The following PPP1R42 variants were observed in gnomAD, a reference collection of about 807,000 sequenced individuals.
PPP1R42 encodes the protein protein phosphatase 1 regulatory subunit 42.
In PPP1R42, 34 loss-of-function variants were observed where a neutral mutation model predicts 31.0. The observed-to-expected ratio is 1.10, with a 90% CI of 0.83 to 1.46. The LOEUF (loss-of-function observed/expected upper bound fraction) is 1.46. PPP1R42 is among the 40% of genes most tolerant of loss of function. PPP1R42 has a pLI of 0.00. For synonymous variants in PPP1R42, 103 were observed against 109.8 expected (o/e 0.94, Z 0.39); for missense variants, 268 against 303.0 (o/e 0.88, Z 0.86).
intron 1 of PPP1R42, among the ~76,000 whole-genome samples, chr8:67,021,658 C>T (rs2129537165): frequency 6.6e-6 from 1 of 152,156 alleles, no homozygotes; most frequent in African/African-American, 2.4e-5. Context: ...TTTGAAACCC[C>T]TCTATACCTT....
intron 4 of PPP1R42, among the ~76,000 whole-genome samples, chr8:67,012,027 G>A (rs548339850): frequency 2.0e-5 from 3 of 152,084 alleles, no homozygotes; most frequent in East Asian, 1.9e-4. Context: ...TCCCAACACC[G>A]TAATCCCAGA....
Position 67,017,791 on chromosome 8 carries a change from C to T in PPP1R42, c.-44G>A, listed in dbSNP as rs202042930. On this transcript the variant is annotated 5_prime_UTR_variant, in exon 2 of 8. Transcript: ENST00000685739. ...ACTCTCAGCAAAAGCTCTGTTTTGACACCATGTCAAGAAGTAGGTTTAGGT... is the reference window on the plus strand; with the variant it reads ...ACTCTCAGCAAAAGCTCTGTTTTGATACCATGTCAAGAAGTAGGTTTAGGT... 1.3e-6 allele frequency: 2 copies of T among 1,527,434 alleles called. No individual in the cohort carries two copies. Among genetic ancestry groups the T allele is most frequent in the African/African-American group, 1.4e-5 (1 of 71,434 alleles). The allele number at this position is 1,527,434 out of a possible 1,614,324, so 94.6% of individuals were successfully genotyped here.
At chr8:67,022,797 A>G (rs78402427) in intron 1 of PPP1R42, among the ~76,000 whole-genome samples, 71 of 152,218 alleles carry the variant, frequency 4.7e-4, no homozygotes, top group East Asian at 1.9e-3. Context: ...CATTATTTAT[A>G]TATTTATCTC....
At chr8:67,005,408 C>G (rs1815642659) in intron 5 of PPP1R42, among the ~76,000 whole-genome samples, 2 of 151,984 alleles carry the variant, frequency 1.3e-5, no homozygotes, top group African/African-American at 4.8e-5. Context: ...ATTTTTTTCT[C>G]TGTCTCTATT....
chr8:67,017,031 T>C (rs1816036610), intron 2 of PPP1R42, among the ~76,000 whole-genome samples: 1 of 152,210 alleles, frequency 6.6e-6, no homozygotes, highest in Non-Finnish European at 1.5e-5. Context: ...TGCTACACTA[T>C]ACAGTGTTGT....
intron 7 of PPP1R42, among the ~76,000 whole-genome samples, chr8:66,966,457 T>C (rs771260214): frequency 3.1e-4 from 47 of 152,200 alleles, no homozygotes; most frequent in Non-Finnish European, 1.5e-4. Flanking sequence ...ATGGGGCTTA[T>C]AGTATTCTTA....
At chr8:66,990,370 C>G (rs1815155481) in intron 5 of PPP1R42, among the ~76,000 whole-genome samples, 1 of 152,168 alleles carries the variant, frequency 6.6e-6, no homozygotes, top group Admixed American at 6.5e-5. Context: ...GACATACTCC[C>G]TCCAGTGTAT....
At chr8:66,997,247 C>T (rs1018149690) in intron 5 of PPP1R42, among the ~76,000 whole-genome samples, 6 of 152,098 alleles carry the variant, frequency 3.9e-5, no homozygotes, top group Non-Finnish European at 7.4e-5. Flanking sequence ...TCTTGATTAT[C>T]GTAACTTTAA....
intron 6 of PPP1R42, chr8:66,984,140 G>C: frequency 6.3e-7 from 1 of 1,590,770 alleles, no homozygotes; most frequent in Middle Eastern, 1.7e-4. Context: ...GTCTCAATCA[G>C]TGGACTCTAC....
At chr8:67,022,378 AAC>A in intron 1 of PPP1R42, among the ~76,000 whole-genome samples, 1 of 152,268 alleles carries the variant, frequency 6.6e-6, no homozygotes, top group South Asian at 2.1e-4. Flanking sequence ...AAATTTTTAG[AAC>A]ACACACACAT....
chr8:67,017,866 C>A, intron 1 of PPP1R42, 35 bp from the exon 2 acceptor site: 1 of 1,106,660 alleles, frequency 9.0e-7, no homozygotes, highest in Non-Finnish European at 1.2e-6. Context: ...ATTATGATAT[C>A]ATAGCAATTT....
At chr8:66,995,235 C>T (rs186557729) in intron 5 of PPP1R42, among the ~76,000 whole-genome samples, 1 of 152,338 alleles carries the variant, frequency 6.6e-6, no homozygotes, top group African/African-American at 2.4e-5. Context: ...TGATGCTAGG[C>T]TTCAACATGT....
At chr8:66,986,123 A>C in intron 6 of PPP1R42, 1 of 684,138 alleles carries the variant, frequency 1.5e-6, no homozygotes, top group Non-Finnish European at 2.8e-6. Flanking sequence ...CAGCAGTTCA[A>C]TGCTGCTGTG....
chr8:66,988,209 G>T, intron 6 of PPP1R42, 191 bp downstream of exon 6: 1 of 1,223,428 alleles, frequency 8.2e-7, no homozygotes. Context: ...AATTACTTCT[G>T]AACAGCAGAT....
chr8:67,001,592 G>A (rs376975356), intron 5 of PPP1R42, among the ~76,000 whole-genome samples: 9 of 151,374 alleles, frequency 5.9e-5, no homozygotes, highest in Non-Finnish European at 8.8e-5. Flanking sequence ...AAAAATCTTC[G>A]ACTATATTTT....
intron 7 of PPP1R42, among the ~76,000 whole-genome samples, chr8:66,965,623 A>G (rs1281154959): frequency 6.6e-6 from 1 of 151,874 alleles, no homozygotes; most frequent in Non-Finnish European, 1.5e-5. Context: ...TTAACGTTAT[A>G]AGAATATGTC....
intron 7 of PPP1R42, among the ~76,000 whole-genome samples, chr8:66,972,913 C>T (rs1814573051): frequency 1.3e-5 from 2 of 152,084 alleles, no homozygotes; most frequent in Non-Finnish European, 2.9e-5. Context: ...TCCTTATATC[C>T]CAGCTTCATT....
chr8:66,979,960 A>G (rs1417511395), intron 7 of PPP1R42, among the ~76,000 whole-genome samples: 1 of 152,140 alleles, frequency 6.6e-6, no homozygotes, highest in Non-Finnish European at 1.5e-5. Flanking sequence ...GAATTGGCCC[A>G]ATTCTGGGGT....
At chr8:67,006,348 CT>C (rs1815673707) in intron 5 of PPP1R42, among the ~76,000 whole-genome samples, 1 of 152,182 alleles carries the variant, frequency 6.6e-6, no homozygotes. Flanking sequence ...TTAGGTCTCA[CT>C]CTGTTATCCA....
Sources: allele counts gnomAD v4.1 joint callset (sites outside exome capture counted in the v4.1 genomes callset), GRCh38; gene constraint gnomAD v4.1.1; transcripts MANE v1.5; gene names NCBI Gene and HGNC (gene_info 2026-07-23, HGNC 2026-07-21).